The following FKBP15 variants were observed in gnomAD, a reference collection of about 807,000 sequenced individuals.
FKBP15 encodes the protein FKBP prolyl isomerase family member 15.
In FKBP15, 106 loss-of-function variants were observed where a neutral mutation model predicts 158.1. That is an observed-to-expected ratio of 0.67 (90% CI 0.57 to 0.79). FKBP15 has a LOEUF of 0.79. FKBP15 is among the 30% of genes least tolerant of loss of function. FKBP15 has a pLI of 0.00. For missense variants in FKBP15, 1,287 were observed against 1,479.1 expected, an observed-to-expected ratio of 0.87 and a Z score of 2.13; for synonymous variants, 547 against 548.6, an observed-to-expected ratio of 1.00 and a Z score of 0.04.
intron 2 of FKBP15, among the ~76,000 whole-genome samples, chr9:113,209,078 A>C (rs1830952330): frequency 1.3e-5 from 2 of 152,050 alleles, no homozygotes; most frequent in African/African-American, 4.8e-5. Context: ...TTTATTTGTA[A>C]ATGCCTAAAG....
At chr9:113,210,893 T>G (rs1239304528) in intron 2 of FKBP15, among the ~76,000 whole-genome samples, 2 of 152,220 alleles carry the variant, frequency 1.3e-5, no homozygotes, top group African/African-American at 2.4e-5. Flanking sequence ...GCTTTTGGAC[T>G]CTTGGACTTA....
chr9:113,209,426 T>C (rs1482312122), intron 2 of FKBP15, among the ~76,000 whole-genome samples: 1 of 152,202 alleles, frequency 6.6e-6, no homozygotes, highest in Non-Finnish European at 1.5e-5. Flanking sequence ...ACAGGAAATA[T>C]AAAAGCATAG....
At chr9:113,178,235 G>T (rs1830331979) in intron 20 of FKBP15, among the ~76,000 whole-genome samples, 1 of 152,172 alleles carries the variant, frequency 6.6e-6, no homozygotes, top group Non-Finnish European at 1.5e-5. Flanking sequence ...TGGGCCTTGA[G>T]TGTGAGGCTG....
rs1340567861 is a variant in FKBP15, at chr9:113,198,502, C to T, written c.717+353G>A. Reference sequence around the variant, plus strand: ...ACATGGTGGTTCATGCCTGTAATCCCGGCACTTTGGGAGGCTGAGGCGGGT... The same window carrying T: ...ACATGGTGGTTCATGCCTGTAATCCTGGCACTTTGGGAGGCTGAGGCGGGT... On this transcript the variant is annotated intron_variant, in intron 8 of 27. Transcript: ENST00000238256. This position sits in a 1 kb window ranked among gnomAD's most constrained non-coding sequence, Gnocchi z 5.2. Among the ~76,000 whole-genome samples the T allele has an allele frequency of 3.9e-5, 6 of 152,194 alleles. No homozygotes were observed. Among genetic ancestry groups the T allele is most frequent in the Non-Finnish European group, 7.3e-5 (5 of 68,030 alleles).
At chr9:113,219,254 G>A (rs1224922039) in intron 1 of FKBP15, among the ~76,000 whole-genome samples, 1 of 152,126 alleles carries the variant, frequency 6.6e-6, no homozygotes, top group African/African-American at 2.4e-5. Context: ...ACTTCTATTA[G>A]GCTTGAATAT....
In FKBP15 at chr9:113,162,572, G is replaced by T; in HGVS notation, c.*3506C>A. ...ATGTCTCTTTAAAAATAAATCTCGA[G>T]TTTTTTCTGGGGGCGGGGGTGGGAG... On this transcript the variant is annotated 3_prime_UTR_variant, in exon 28 of 28. Transcript: ENST00000238256. 1 of 457,736 alleles carries T rather than the reference G, an allele frequency of 2.2e-6. No individual in the cohort carries two copies. The allele number at this position is 457,736 out of a possible 1,614,324, so 28.4% of individuals were successfully genotyped here.
intron 23 of FKBP15, among the ~76,000 whole-genome samples, chr9:113,172,559 C>G (rs558695120): frequency 5.9e-5 from 9 of 152,292 alleles, no homozygotes; most frequent in African/African-American, 2.2e-4. Flanking sequence ...TCCACTCCCT[C>G]AGCCCCCACC....
intron 14 of FKBP15, chr9:113,186,666 AT>A (rs1052603566): frequency 8.0e-6 from 2 of 249,668 alleles, no homozygotes; most frequent in African/African-American, 4.4e-5. Flanking sequence ...TATCAGGCCT[AT>A]TGTCTAAGAA....
intron 20 of FKBP15, among the ~76,000 whole-genome samples, chr9:113,177,221 T>C (rs1830315691): frequency 6.6e-6 from 1 of 152,214 alleles, no homozygotes; most frequent in Non-Finnish European, 1.5e-5. Context: ...TTAGTATTAG[T>C]CCAGGTTCTT....
intron 1 of FKBP15, among the ~76,000 whole-genome samples, chr9:113,220,844 G>A (rs754975981): frequency 1.3e-5 from 2 of 152,132 alleles, no homozygotes; most frequent in Non-Finnish European, 2.9e-5. Context: ...TCTCCATGGA[G>A]AAAAGAAGTC....
In FKBP15 at chr9:113,184,215, G is replaced by C. The variant is rs1830447710; in HGVS notation, c.1716+77C>G. The C allele has an allele frequency of 1.2e-5, 12 of 989,654 alleles. No homozygotes were observed. The highest frequency in any genetic ancestry group is 1.5e-5 in the Non-Finnish European group (10 of 645,494). The allele number at this position is 989,654 out of a possible 1,614,324, so 61.3% of individuals were successfully genotyped here. A position where few individuals can be genotyped will look rare whatever the true frequency, so the allele number is the denominator to read the frequency against. On this transcript the variant is annotated intron_variant, in intron 17 of 27. Coordinates refer to ENST00000238256, the MANE Select transcript of FKBP15 (RefSeq NM_015258.2). This position sits in a 1 kb window ranked among gnomAD's most constrained non-coding sequence, Gnocchi z 4.5. ...CACAGGCTATTTCTGGGGTGGAGGTGTTAAAGAGTAGTACCTCTGAGAAGA... is the reference window on the plus strand; with the variant it reads ...CACAGGCTATTTCTGGGGTGGAGGTCTTAAAGAGTAGTACCTCTGAGAAGA...
rs3810913 is a variant in FKBP15 at position 113,186,403 on chromosome 9, C to G, written c.1384-40G>C. ...AGTTACCACTGGTTGATAAAACATT[C>G]ATGTCTTTCTTTTTTGTTCACATTT... On this transcript the variant is annotated intron_variant, in intron 14 of 27. Transcript: ENST00000238256. 1.7e-4 allele frequency: 235 copies of G among 1,365,822 alleles called. No homozygotes were observed. The East Asian group carries it at 4.7e-3, about 27-fold the overall frequency. The allele number at this position is 1,365,822 out of a possible 1,614,324, so 84.6% of individuals were successfully genotyped here. A position where few individuals can be genotyped will look rare whatever the true frequency, so the allele number is the denominator to read the frequency against.
At chr9:113,188,519 C>G (rs886574524) in intron 12 of FKBP15, 28 bp from the exon 13 acceptor site, 2 of 1,584,766 alleles carry the variant, frequency 1.3e-6, no homozygotes, top group African/African-American at 2.7e-5. Flanking sequence ...GTTTGGGTTA[C>G]TCTGTACGGG....
In FKBP15 at chr9:113,204,355, A is replaced by C. The variant is rs377692695; in HGVS notation, c.325-1320T>G. On this transcript the variant is annotated intron_variant, in intron 4 of 27. Transcript: ENST00000238256. ...AGTGCTGGGATTGCAGGCGTAAGCC[A>C]CCGCGCCCAGCCTCTCCATGTCTTT... Among the ~76,000 whole-genome samples, 296 of 152,356 alleles carry C rather than the reference A, an allele frequency of 1.9e-3. 2 individuals are homozygous for C. Among genetic ancestry groups the C allele is most frequent in the African/African-American group, 6.7e-3 (278 of 41,586 alleles).
At chr9:113,212,343 C>G (rs1232127222) in intron 1 of FKBP15, among the ~76,000 whole-genome samples, 1 of 152,100 alleles carries the variant, frequency 6.6e-6, no homozygotes, top group Non-Finnish European at 1.5e-5. Context: ...CGCGTGTCAC[C>G]ACACCCGGCT....
In FKBP15 at chr9:113,169,557, G is replaced by A. The variant is rs1587948368; in HGVS notation, c.3152C>T (p.Pro1051Leu). 1 of 1,614,036 alleles carries A rather than the reference G, an allele frequency of 6.2e-7. No homozygotes were observed. The highest frequency in any genetic ancestry group is 8.5e-7 in the Non-Finnish European group (1 of 1,179,888). ...PTSIPPEPLG[P>L]VSMDSECEES... ...CTCACACTCAGAGTCCATGGATACA[G>A]GGCCTAGGGGCTCAGGTGGAATTGA... The change falls in exon 26 of 28, where the codon CCT (proline) becomes CTT (leucine). Residue 1051 changes from proline (P) to leucine (L), a missense_variant. Physicochemically the swap from Pro to Leu is moderately conservative, Grantham distance 98. Coordinates refer to ENST00000238256, the MANE Select transcript of FKBP15 (RefSeq NM_015258.2).
chr9:113,170,508 C>T lies in FKBP15; in HGVS notation c.2766+14G>A, dbSNP rs775348402. ...CCCAATACGATGAAACAAATGACAG[C>T]TGGCTGGCTGTACCTTGATCGTATT... On this transcript the variant is annotated intron_variant, in intron 25 of 27. Coordinates refer to ENST00000238256, the MANE Select transcript of FKBP15 (RefSeq NM_015258.2). The T allele has an allele frequency of 9.6e-6, 15 of 1,562,274 alleles. No individual in the cohort carries two copies. The highest frequency in any genetic ancestry group is 1.3e-5 in the Non-Finnish European group (15 of 1,133,442).
In FKBP15 at chr9:113,164,544, A is replaced by G. The variant is rs906413566; in HGVS notation, c.*1534T>C. 1.3e-5 allele frequency: 2 copies of G among 152,242 alleles called. No individual in the cohort carries two copies. Among genetic ancestry groups the G allele is most frequent in the African/African-American group, 2.4e-5 (1 of 41,452 alleles). The allele number at this position is 152,242 out of a possible 1,614,324, so 9.4% of individuals were successfully genotyped here. A position where few individuals can be genotyped will look rare whatever the true frequency, so the allele number is the denominator to read the frequency against. On this transcript the variant is annotated 3_prime_UTR_variant, in exon 28 of 28. Coordinates refer to ENST00000238256, the MANE Select transcript of FKBP15 (RefSeq NM_015258.2). ...AAATAACTGCCCTAGAAAGTAGACT[A>G]TGTCACACCTTTAGGACTGATCAGG...
At chr9:113,196,190 C>A (rs1469364423) in intron 9 of FKBP15, among the ~76,000 whole-genome samples, 1 of 151,918 alleles carries the variant, frequency 6.6e-6, no homozygotes, top group Non-Finnish European at 1.5e-5. Flanking sequence ...TAGGTTGTTG[C>A]CAGTTTTTTG....
Sources: gnomAD v4.1 joint callset for allele counts (sites outside exome capture counted in the v4.1 genomes callset) on GRCh38, gnomAD v4.1.1 for gene constraint, Gnocchi (gnomAD v3.1) non-coding constraint, MANE v1.5 for transcripts, NCBI Gene and HGNC (gene_info 2026-07-23, HGNC 2026-07-21) for gene names.